Variants in PAM observed in about 807,000 individuals in gnomAD.
PAM encodes the protein peptidylglycine alpha-amidating monooxygenase.
PAM carries 72 observed loss-of-function variants against 122.1 expected under a neutral mutation model. The ratio of observed to expected loss-of-function variants is 0.59; its 90% CI spans 0.49 to 0.72. The LOEUF (loss-of-function observed/expected upper bound fraction) is 0.72. Among genes scored for constraint, PAM ranks in the 30% least tolerant of loss-of-function variants. PAM has a pLI of 0.00. For missense variants in PAM, 1,106 were observed against 1,183.7 expected (o/e 0.93, Z 0.96); for synonymous variants, 389 against 404.4 (o/e 0.96, Z 0.46).
intron 4 of PAM, 97 bp downstream of exon 4, chr5:102,901,510 C>T: frequency 1.4e-6 from 1 of 711,032 alleles, no homozygotes. Context: ...GCATATTAAT[C>T]TTTTACTGTC....
intron 14 of PAM, among the ~76,000 whole-genome samples, chr5:102,969,336 A>G (rs540632028): frequency 2.0e-5 from 3 of 152,050 alleles, no homozygotes; most frequent in African/African-American, 7.2e-5. Context: ...AGAGCTGTGG[A>G]AAAGGTAGCT....
At chr5:102,870,844 C>T (rs1787196193) in intron 3 of PAM, among the ~76,000 whole-genome samples, 1 of 152,136 alleles carries the variant, frequency 6.6e-6, no homozygotes, top group South Asian at 2.1e-4. Flanking sequence ...TGAGACTCCT[C>T]TTTTAGCACT....
intron 1 of PAM, among the ~76,000 whole-genome samples, chr5:102,856,574 G>A (rs1020040135): frequency 1.3e-5 from 2 of 152,164 alleles, no homozygotes; most frequent in Admixed American, 1.3e-4. Context: ...ATTAGTCAAA[G>A]CTGAGGAATT....
intron 4 of PAM, among the ~76,000 whole-genome samples, chr5:102,904,808 G>A (rs141257928): frequency 5.9e-5 from 9 of 151,592 alleles, no homozygotes; most frequent in African/African-American, 1.9e-4. Context: ...GTCAAAATTC[G>A]ATTTGAATAA....
chr5:102,983,173 T>A (rs553527292), intron 15 of PAM, among the ~76,000 whole-genome samples: 2 of 152,126 alleles, frequency 1.3e-5, no homozygotes, highest in African/African-American at 4.8e-5. Context: ...AGGCCAGGCA[T>A]GGTGGCTTAT....
At chr5:103,007,406 CTT>C (rs1455865088) in intron 19 of PAM, 49 bp from the exon 20 acceptor site, 1 of 1,488,534 alleles carries the variant, frequency 6.7e-7, no homozygotes, top group Non-Finnish European at 9.4e-7. Context: ...GAGAGTCAAA[CTT>C]TGGGTGATTT....
chr5:102,989,407 C>T (rs997227738), intron 15 of PAM, among the ~76,000 whole-genome samples: 2 of 151,946 alleles, frequency 1.3e-5, no homozygotes, highest in African/African-American at 2.4e-5. Flanking sequence ...CTCAGGAGAC[C>T]GAGGTGGGAG....
Position 103,029,704 on chromosome 5 carries a change from T to G in PAM, c.*639T>G, listed in dbSNP as rs1171678522. On this transcript the variant is annotated 3_prime_UTR_variant, in exon 26 of 26. Transcript: ENST00000438793. ...GAATGTAATTTGTGTAATAAAGTGTTTTCAGAGCATTAGCTGTCAGTGTAT... is the reference window on the plus strand; with the variant it reads ...GAATGTAATTTGTGTAATAAAGTGTGTTCAGAGCATTAGCTGTCAGTGTAT... The G allele has an allele frequency of 7.8e-6, 1 of 128,068 alleles. No homozygotes were observed. 7.9% of individuals were successfully genotyped at this position (128,068 alleles called of 1,614,324 possible). A position where few individuals can be genotyped will look rare whatever the true frequency, so the allele number is the denominator to read the frequency against.
chr5:102,950,909 A>T, intron 12 of PAM, 89 bp downstream of exon 12: 1 of 793,768 alleles, frequency 1.3e-6, no homozygotes, highest in South Asian at 1.7e-5. Flanking sequence ...AATAAATTGT[A>T]CATTTTTTGT....
chr5:102,771,884 A>T (rs1755889694), intron 1 of PAM, among the ~76,000 whole-genome samples: 1 of 152,154 alleles, frequency 6.6e-6, no homozygotes, highest in Admixed American at 6.6e-5. Context: ...TGGGTTTAAA[A>T]GAAGAAATGT....
intron 3 of PAM, among the ~76,000 whole-genome samples, chr5:102,872,236 A>T (rs1328763690): frequency 1.3e-5 from 2 of 152,230 alleles, no homozygotes; most frequent in Non-Finnish European, 2.9e-5. Context: ...ATCTAAGCAC[A>T]TATATCTATT....
intron 1 of PAM, among the ~76,000 whole-genome samples, chr5:102,834,182 T>C (rs542918595): frequency 1.6e-4 from 25 of 152,258 alleles, no homozygotes; most frequent in African/African-American, 5.8e-4. Context: ...GTGATGATTT[T>C]TTAAAAAAAG....
intron 14 of PAM, among the ~76,000 whole-genome samples, chr5:102,966,603 T>C (rs1262135091): frequency 6.6e-6 from 1 of 152,120 alleles, no homozygotes; most frequent in East Asian, 1.9e-4. Flanking sequence ...ATAAACCAAA[T>C]TGACTTTAAC....
chr5:102,907,893 T>C (rs1800088585), intron 4 of PAM, among the ~76,000 whole-genome samples: 1 of 151,974 alleles, frequency 6.6e-6, no homozygotes, highest in Non-Finnish European at 1.5e-5. Flanking sequence ...GATGAGTAGG[T>C]TGCAAAAATT....
At chr5:102,879,164 T>C (rs1790181319) in intron 3 of PAM, among the ~76,000 whole-genome samples, 1 of 152,156 alleles carries the variant, frequency 6.6e-6, no homozygotes, top group Non-Finnish European at 1.5e-5. Context: ...TCTCCTGACC[T>C]CGTGATCTGC....
At chr5:102,982,220 C>T (rs1246161334) in intron 15 of PAM, among the ~76,000 whole-genome samples, 1 of 152,182 alleles carries the variant, frequency 6.6e-6, no homozygotes, top group Non-Finnish European at 1.5e-5. Flanking sequence ...GCTGCCAGCA[C>T]CCACCTGCAT....
Position 103,007,592 on chromosome 5 carries a change from A to G in PAM, c.2150A>G (p.Glu717Gly), listed in dbSNP as rs745666816. 11 of 1,613,638 alleles carry G rather than the reference A, an allele frequency of 6.8e-6. No individual in the cohort carries two copies. In the Admixed American group the frequency reaches 1.0e-4, roughly 15 times the overall value. ...RIQCFKTDTKEFVREIKHSSF... is the reference protein window; with the variant it reads ...RIQCFKTDTKGFVREIKHSSF... ...CAGTGTTTTAAAACTGACACCAAAG[A>G]ATTTGTGAGAGAGATTAAGCATTCA... Residue 717 changes from glutamate to glycine, a missense_variant, in exon 20 of 26, where the codon GAA becomes GGA. By Grantham distance (98) the Glu-to-Gly change is moderately conservative. This residue lies in a region of PAM where 333 missense variants were observed against 335.6 expected (regional missense o/e 0.99). Transcript: ENST00000438793.
At chr5:102,816,432 G>A (rs533627187) in intron 1 of PAM, among the ~76,000 whole-genome samples, 18 of 152,058 alleles carry the variant, frequency 1.2e-4, no homozygotes, top group Admixed American at 1.3e-4. Flanking sequence ...CCCCTTAGTA[G>A]CAAAACTGCT....
intron 21 of PAM, among the ~76,000 whole-genome samples, chr5:103,012,855 CAAAA>C (rs777801743): frequency 9.9e-6 from 1 of 100,518 alleles, no homozygotes. Context: ...GACTCTGCCT[CAAAA>C]AAAAAAAAAA....
Sources: allele counts gnomAD v4.1 joint callset (sites outside exome capture counted in the v4.1 genomes callset), GRCh38; gene constraint gnomAD v4.1.1; regional missense constraint gnomAD v4.1.1; transcripts MANE v1.5; gene names NCBI Gene and HGNC (gene_info 2026-07-23, HGNC 2026-07-21).